VWA8: variants seen among roughly 807,000 people sequenced by gnomAD.
The protein encoded by VWA8 is von Willebrand factor A domain containing 8.
A neutral mutation model predicts 241.5 loss-of-function variants in VWA8; 221 were observed. The ratio of observed to expected loss-of-function variants is 0.91; its 90% CI spans 0.82 to 1.02. The LOEUF (loss-of-function observed/expected upper bound fraction) is 1.02, where lower values mean the gene tolerates loss of function less well. Among genes scored for constraint, VWA8 ranks in the 50% least tolerant of loss-of-function variants. The probability of loss-of-function intolerance (pLI) is 0.00; values close to 1 mark genes in which losing one functional copy is unlikely to be tolerated. For missense variants in VWA8, 2,322 were observed against 2,328.7 expected (o/e 1.00, Z 0.06); for synonymous variants, 852 against 827.1 (o/e 1.03, Z -0.52).
At chr13:41,819,637 C>T (rs1870862430) in intron 14 of VWA8, among the ~76,000 whole-genome samples, 2 of 152,282 alleles carry the variant, frequency 1.3e-5, no homozygotes, top group South Asian at 4.2e-4. Context: ...AGCCCTGACA[C>T]GAACCACTGC....
intron 12 of VWA8, among the ~76,000 whole-genome samples, chr13:41,850,978 A>G (rs1483477029): frequency 6.6e-6 from 1 of 152,188 alleles, no homozygotes; most frequent in Non-Finnish European, 1.5e-5. Context: ...CAAAGTGAAA[A>G]GCTCAACAAA....
intron 40 of VWA8, among the ~76,000 whole-genome samples, chr13:41,592,829 T>A (rs2044465220): frequency 6.6e-6 from 1 of 152,126 alleles, no homozygotes; most frequent in Admixed American, 6.5e-5. Flanking sequence ...ACTTAACCTG[T>A]CGGCATCTTT....
chr13:41,568,273 A>G lies in VWA8; in HGVS notation c.5642T>C (p.Phe1881Ser), dbSNP rs554992110. The stretch of plus-strand genomic sequence containing the variant: ...GATATCCTTGGTATCCATGGCAACG[A>G]AAGACCGACCAGCTGGTAAAGTTCT... ...LQRTLPAGRS[F>S]VAMDTKDIPQ... Residue 1881 changes from phenylalanine to serine, a missense_variant, in exon 45 of 45, where the codon TTC becomes TCC. Physicochemically the swap from Phe to Ser is radical, Grantham distance 155. Coordinates refer to ENST00000379310, the MANE Select transcript of VWA8 (RefSeq NM_015058.2). The G allele has an allele frequency of 3.0e-4, 483 of 1,614,196 alleles. 5 individuals are homozygous for G. In the South Asian group the frequency reaches 5.1e-3, roughly 17 times the overall value.
intron 37 of VWA8, among the ~76,000 whole-genome samples, chr13:41,664,727 C>T (rs1403421754): frequency 6.6e-6 from 1 of 152,050 alleles, no homozygotes; most frequent in African/African-American, 2.4e-5. Context: ...ACAGTATCTT[C>T]AAGTCCTGTT....
intron 13 of VWA8, among the ~76,000 whole-genome samples, chr13:41,831,940 CT>C (rs551883665): frequency 7.6e-6 from 1 of 131,376 alleles, no homozygotes; most frequent in Non-Finnish European, 1.6e-5. Flanking sequence ...TTTTTTTTTT[CT>C]TTTTTTTTGA....
At chr13:41,771,805 C>T (rs1325929640) in intron 20 of VWA8, among the ~76,000 whole-genome samples, 1 of 150,996 alleles carries the variant, frequency 6.6e-6, no homozygotes, top group South Asian at 2.1e-4. Flanking sequence ...TGGTCTCAAA[C>T]TCTTGGACTC....
chr13:41,764,506 G>T (rs1406928965), intron 20 of VWA8, among the ~76,000 whole-genome samples: 4 of 152,134 alleles, frequency 2.6e-5, no homozygotes, highest in African/African-American at 9.7e-5. Flanking sequence ...ACATATAATA[G>T]ATAGTGTCCT....
intron 26 of VWA8, among the ~76,000 whole-genome samples, chr13:41,714,572 T>C (rs965310341): frequency 6.6e-6 from 1 of 152,114 alleles, no homozygotes; most frequent in Non-Finnish European, 1.5e-5. Flanking sequence ...GAAGAAATGA[T>C]GGCTAGTATA....
intron 17 of VWA8, among the ~76,000 whole-genome samples, chr13:41,797,333 C>T (rs896140492): frequency 1.8e-4 from 28 of 152,196 alleles, no homozygotes; most frequent in African/African-American, 5.8e-4. Context: ...AGCCACCACA[C>T]CTGGACAAAA....
intron 2 of VWA8, among the ~76,000 whole-genome samples, chr13:41,925,439 A>T (rs993117826): frequency 1.3e-5 from 2 of 152,252 alleles, no homozygotes; most frequent in Non-Finnish European, 2.9e-5. Flanking sequence ...AAAAATAACT[A>T]AAGCTAAAAT....
intron 42 of VWA8, among the ~76,000 whole-genome samples, chr13:41,586,658 C>T (rs972699658): frequency 1.3e-5 from 2 of 152,186 alleles, no homozygotes; most frequent in South Asian, 2.1e-4. Context: ...AGAGACACAA[C>T]TCAGGGAAGC....
At chr13:41,885,190 G>A (rs75062169) in intron 8 of VWA8, among the ~76,000 whole-genome samples, 2,672 of 152,286 alleles carry the variant, frequency 0.018, 83 homozygotes, top group African/African-American at 0.06. Flanking sequence ...ATAGCGGTCT[G>A]ACTTCTCCCT....
intron 13 of VWA8, among the ~76,000 whole-genome samples, chr13:41,831,451 T>G (rs1023420922): frequency 1.3e-5 from 2 of 152,094 alleles, no homozygotes; most frequent in African/African-American, 4.8e-5. Context: ...TTCACAATAT[T>G]AATGTGAAAA....
chr13:41,823,076 A>G (rs1871030824), intron 14 of VWA8, among the ~76,000 whole-genome samples: 1 of 152,210 alleles, frequency 6.6e-6, no homozygotes, highest in Non-Finnish European at 1.5e-5. Flanking sequence ...TTTGAAAATC[A>G]AACACAAAGA....
chr13:41,609,883 C>G (rs1368952101), intron 39 of VWA8, among the ~76,000 whole-genome samples: 1 of 152,186 alleles, frequency 6.6e-6, no homozygotes, highest in East Asian at 1.9e-4. Context: ...TCTCTTTCCT[C>G]TCTTACATCC....
chr13:41,629,976 T>C (rs1259589172), intron 37 of VWA8, among the ~76,000 whole-genome samples: 3 of 152,230 alleles, frequency 2.0e-5, no homozygotes, highest in African/African-American at 7.2e-5. Flanking sequence ...CAAATTATAC[T>C]GTAGCTGATA....
intron 37 of VWA8, among the ~76,000 whole-genome samples, chr13:41,658,790 T>C (rs987670190): frequency 6.6e-6 from 1 of 152,164 alleles, no homozygotes; most frequent in Non-Finnish European, 1.5e-5. Context: ...GCAGAGAGCA[T>C]TGGTGGTTCA....
At chr13:41,749,077 C>A (rs1437270670) in intron 21 of VWA8, among the ~76,000 whole-genome samples, 1 of 152,238 alleles carries the variant, frequency 6.6e-6, no homozygotes, top group Middle Eastern at 3.4e-3. Context: ...AGGCAACCTA[C>A]AGAATAGAAG....
At chr13:41,686,757 T>C (rs912980328) in intron 34 of VWA8, among the ~76,000 whole-genome samples, 1 of 152,086 alleles carries the variant, frequency 6.6e-6, no homozygotes, top group Non-Finnish European at 1.5e-5. Flanking sequence ...CCATCTCCCA[T>C]CTCCACCACT....
Sources: gnomAD v4.1 joint callset for allele counts (sites outside exome capture counted in the v4.1 genomes callset) on GRCh38, gnomAD v4.1.1 for gene constraint, MANE v1.5 for transcripts, NCBI Gene and HGNC (gene_info 2026-07-23, HGNC 2026-07-21) for gene names.